Variants in ZFHX4 observed in about 807,000 individuals in gnomAD.
ZFHX4 encodes zinc finger homeobox 4.
ZFHX4 carries 56 observed loss-of-function variants against 267.6 expected under a neutral mutation model. The ratio of observed to expected loss-of-function variants is 0.21; its 90% CI spans 0.17 to 0.26. The LOEUF (loss-of-function observed/expected upper bound fraction) is 0.26, where lower values mean the gene tolerates loss of function less well. ZFHX4 is among the 10% of genes least tolerant of loss of function. ZFHX4 has a pLI of 1.00. For missense variants in ZFHX4, 4,332 were observed against 4,420.0 expected, an observed-to-expected ratio of 0.98 and a Z score of 0.56; for synonymous variants, 1,778 against 1,665.6, an observed-to-expected ratio of 1.07 and a Z score of -1.64.
At chr8:76,714,486 G>C (rs1332543010) in intron 3 of ZFHX4, among the ~76,000 whole-genome samples, 1 of 152,176 alleles carries the variant, frequency 6.6e-6, no homozygotes, top group Non-Finnish European at 1.5e-5. Flanking sequence ...TTCCAGGAGA[G>C]CGTATGGGAG....
chr8:76,698,497 T>G (rs2131594707), intron 1 of ZFHX4, among the ~76,000 whole-genome samples: 1 of 152,238 alleles, frequency 6.6e-6, no homozygotes, highest in East Asian at 1.9e-4. Flanking sequence ...ATATGTTTAA[T>G]GCTATGTAAT....
At chr8:76,727,468 G>C (rs1382123021) in intron 3 of ZFHX4, among the ~76,000 whole-genome samples, 1 of 152,074 alleles carries the variant, frequency 6.6e-6, no homozygotes, top group Non-Finnish European at 1.5e-5. Context: ...GATTTTGCAT[G>C]GCTGCTCCTT....
At position 76,852,931 on chromosome 8, in the gene ZFHX4, C is replaced by T. The variant is rs537717672; in HGVS notation, c.6010C>T (p.Pro2004Ser). 1.9e-4 allele frequency: 305 copies of T among 1,591,466 alleles called. 2 individuals are homozygous for T. The East Asian group carries it at 6.8e-3, about 35-fold the overall frequency. The stretch of plus-strand genomic sequence containing the variant: ...TTCTCCATCTTCTCCAGAAACGCCG[C>T]CCCCGCCACCTCCTCCTCCTCCCTT... The part of the protein sequence containing the change: ...PISPSSPETP[P>S]PPPPPPPLPP... The change falls in exon 10 of 11, where the codon CCC becomes TCC. Residue 2004 changes from proline to serine, a missense_variant. Transcript: ENST00000651372.
chr8:76,796,688 T>A (rs1563527693), intron 4 of ZFHX4, among the ~76,000 whole-genome samples: 1 of 152,288 alleles, frequency 6.6e-6, no homozygotes, highest in Middle Eastern at 3.4e-3. Flanking sequence ...CTGGAGAGTT[T>A]GAAAACCAGA....
chr8:76,802,605 A>C (rs925929260), intron 4 of ZFHX4, among the ~76,000 whole-genome samples: 5 of 152,178 alleles, frequency 3.3e-5, no homozygotes, highest in Non-Finnish European at 7.3e-5. Context: ...ATATGGTTTA[A>C]CTGGGGCATT....
At position 76,863,788 on chromosome 8, in the gene ZFHX4, A is replaced by G; in HGVS notation, c.10074A>G (p.Gln3358=). 4.5e-6 allele frequency: 7 copies of G among 1,552,368 alleles called. No homozygotes were observed. The highest frequency in any genetic ancestry group is 6.1e-6 in the Non-Finnish European group (7 of 1,147,296). Residue 3358 remains glutamine (Q), a synonymous_variant, in exon 11 of 11, where the codon CAA becomes CAG. Transcript: ENST00000651372. ...KTSKVESDQP[Q]NSNDASETKE... ...CCAAAGTAGAAAGTGACCAGCCGCAAAACTCCAACGATGCTTCAGAAACAA... is the reference window on the plus strand; with the variant it reads ...CCAAAGTAGAAAGTGACCAGCCGCAGAACTCCAACGATGCTTCAGAAACAA...
chr8:76,858,153 G>T (rs1331363685), intron 10 of ZFHX4, among the ~76,000 whole-genome samples: 1 of 152,106 alleles, frequency 6.6e-6, no homozygotes, highest in Non-Finnish European at 1.5e-5. Context: ...ACTGCTCTTT[G>T]GTCAGTCATT....
chr8:76,837,131 A>T (rs1264176158), intron 5 of ZFHX4, among the ~76,000 whole-genome samples: 1 of 152,112 alleles, frequency 6.6e-6, no homozygotes, highest in Non-Finnish European at 1.5e-5. Flanking sequence ...TCTGGATGAG[A>T]TCGTCTAGGG....
At chr8:76,790,655 G>T (rs1290797187) in intron 4 of ZFHX4, among the ~76,000 whole-genome samples, 1 of 152,104 alleles carries the variant, frequency 6.6e-6, no homozygotes, top group Admixed American at 6.6e-5. Flanking sequence ...TTGGTCTTCT[G>T]TGAAAGGAAT....
intron 4 of ZFHX4, among the ~76,000 whole-genome samples, chr8:76,832,443 C>T (rs1256674190): frequency 6.6e-6 from 1 of 152,010 alleles, no homozygotes. Context: ...ATGATTTGTA[C>T]TCAAGATTCT....
chr8:76,855,979 T>C lies in ZFHX4; in HGVS notation c.9058T>C (p.Leu3020=). 1 of 1,613,954 alleles carries C rather than the reference T, an allele frequency of 6.2e-7. No homozygotes were observed. Among genetic ancestry groups the C allele is most frequent in the Non-Finnish European group, 8.5e-7 (1 of 1,179,872 alleles). Reference sequence around the variant, plus strand: ...CTGCGGGGTGAAGTACTCTGCCCGCTTGTCCATCAGAGATCACATTTTCTC... The same window carrying C: ...CTGCGGGGTGAAGTACTCTGCCCGCCTGTCCATCAGAGATCACATTTTCTC... ...TLCGVKYSAR[L]SIRDHIFSKQ... is the part of the protein sequence containing the mutation. Residue 3020 remains leucine (L), a synonymous_variant, in exon 10 of 11, where the codon TTG becomes CTG. Coordinates refer to ENST00000651372, the MANE Select transcript of ZFHX4 (RefSeq NM_024721.5).
At chr8:76,820,922 T>G (rs2131864047) in intron 4 of ZFHX4, among the ~76,000 whole-genome samples, 1 of 152,260 alleles carries the variant, frequency 6.6e-6, no homozygotes, top group South Asian at 2.1e-4. Flanking sequence ...ACCAGATGAC[T>G]TTTGCTTTCT....
intron 4 of ZFHX4, among the ~76,000 whole-genome samples, chr8:76,810,864 A>T (rs1811359068): frequency 6.6e-6 from 1 of 152,120 alleles, no homozygotes; most frequent in African/African-American, 2.4e-5. Context: ...TTAAAAAGGA[A>T]ATTTAATATA....
chr8:76,824,128 G>A (rs562055480), intron 4 of ZFHX4, among the ~76,000 whole-genome samples: 1 of 152,324 alleles, frequency 6.6e-6, no homozygotes, highest in Admixed American at 6.5e-5. Flanking sequence ...TTGAAGAAAA[G>A]TGTTCCTTAT....
At chr8:76,708,478 A>G (rs1370883909) in intron 3 of ZFHX4, among the ~76,000 whole-genome samples, 3 of 152,138 alleles carry the variant, frequency 2.0e-5, no homozygotes, top group Non-Finnish European at 4.4e-5. Flanking sequence ...GTGACAAACA[A>G]TGACGCTCCA....
At chr8:76,780,587 T>C (rs1259703137) in intron 4 of ZFHX4, among the ~76,000 whole-genome samples, 2 of 152,298 alleles carry the variant, frequency 1.3e-5, no homozygotes, top group East Asian at 3.9e-4. Context: ...GGCTCTTATC[T>C]AGCCTTCTCA....
intron 3 of ZFHX4, among the ~76,000 whole-genome samples, chr8:76,732,769 G>C (rs1213039058): frequency 2.0e-5 from 3 of 152,104 alleles, no homozygotes; most frequent in Non-Finnish European, 2.9e-5. Context: ...ACCTTCGAAG[G>C]ATTCTCCATT....
intron 3 of ZFHX4, among the ~76,000 whole-genome samples, chr8:76,767,905 T>G (rs1054776214): frequency 1.3e-5 from 2 of 152,194 alleles, no homozygotes; most frequent in African/African-American, 4.8e-5. Flanking sequence ...TTGGAATAAA[T>G]AATGCATGTG....
In ZFHX4 at chr8:76,842,743, T is replaced by C. The variant is rs1812269012; in HGVS notation, c.3483T>C (p.Ser1161=). Residue 1161 remains serine (S), a synonymous_variant, in exon 6 of 11, where the codon AGT becomes AGC. Transcript: ENST00000651372. Reference sequence around the variant, plus strand: ...AAGACACAAGTGAGAGAGACAATAGTGAAGGCAAAAACTCTAATAAAGACT... The same window carrying C: ...AAGACACAAGTGAGAGAGACAATAGCGAAGGCAAAAACTCTAATAAAGACT... The part of the protein sequence containing the change: ...DEKDTSERDN[S]EGKNSNKDSG... The C allele has an allele frequency of 3.2e-6, 5 of 1,552,844 alleles. No individual in the cohort carries two copies. The highest frequency in any genetic ancestry group is 8.7e-7 in the Non-Finnish European group (1 of 1,147,738).
Sources: allele counts gnomAD v4.1 joint callset (sites outside exome capture counted in the v4.1 genomes callset), GRCh38; gene constraint gnomAD v4.1.1; transcripts MANE v1.5; gene names NCBI Gene and HGNC (gene_info 2026-07-23, HGNC 2026-07-21).